Variants in SNTB1 observed in about 807,000 individuals in gnomAD.
SNTB1 encodes the protein beta-1-syntrophin.
In SNTB1, 36 loss-of-function variants were observed where a neutral mutation model predicts 48.9. That is an observed-to-expected ratio of 0.74 (90% CI 0.56 to 0.97). The LOEUF is 0.97. Ranked by LOEUF, SNTB1 falls within the 50% of genes least tolerant of loss-of-function variation. The pLI is 0.00. For synonymous variants in SNTB1, 299 were observed against 294.6 expected (o/e 1.01, Z -0.15); for missense variants, 786 against 703.4 (o/e 1.12, Z -1.33).
chr8:120,749,229 C>T lies in SNTB1; in HGVS notation c.572-55321G>A, dbSNP rs143263182. On this transcript the variant is annotated intron_variant, in intron 1 of 6. Coordinates refer to ENST00000517992, the MANE Select transcript of SNTB1 (RefSeq NM_021021.4). ...TATTTCTAGCTAGTTCTTCCAAAGACCCGTTTTCTCCAATTTTTAAAATTT... is the reference window on the plus strand; with the variant it reads ...TATTTCTAGCTAGTTCTTCCAAAGATCCGTTTTCTCCAATTTTTAAAATTT... Among the ~76,000 whole-genome samples, 7 of 152,198 alleles carry T rather than the reference C, an allele frequency of 4.6e-5. No individual in the cohort carries two copies. The East Asian group carries it at 1.3e-3, about 29-fold the overall frequency.
intron 1 of SNTB1, among the ~76,000 whole-genome samples, chr8:120,806,313 G>C (rs972726476): frequency 3.9e-5 from 6 of 152,216 alleles, no homozygotes; most frequent in African/African-American, 1.4e-4. Context: ...TGAAAGGCTT[G>C]TCTAGCTCCT....
chr8:120,769,975 G>C (rs1207118309), intron 1 of SNTB1, among the ~76,000 whole-genome samples: 1 of 152,056 alleles, frequency 6.6e-6, no homozygotes, highest in East Asian at 1.9e-4. Context: ...ACAAAAACAG[G>C]GTTGAACTCT....
intron 2 of SNTB1, among the ~76,000 whole-genome samples, chr8:120,648,744 T>C (rs1587061732): frequency 6.6e-6 from 1 of 152,200 alleles, no homozygotes; most frequent in South Asian, 2.1e-4. Flanking sequence ...TTCTCCTGGA[T>C]AATATCTTGC....
rs1815233397 is a variant in SNTB1 at position 120,538,482 on chromosome 8, T to C, written c.*395A>G. 6.2e-6 allele frequency: 2 copies of C among 321,292 alleles called. No homozygotes were observed. The highest frequency in any genetic ancestry group is 1.3e-5 in the Non-Finnish European group (2 of 155,656). The allele number at this position is 321,292 out of a possible 1,614,324, so 19.9% of individuals were successfully genotyped here. A position where few individuals can be genotyped will look rare whatever the true frequency, so the allele number is the denominator to read the frequency against. On this transcript the variant is annotated 3_prime_UTR_variant, in exon 7 of 7. Transcript: ENST00000517992. ...GGGGGCTAGGAGGAGTAGGTAAGAA[T>C]GTCCATTTCTCAACTATTCGGCCCT...
chr8:120,578,071 C>T (rs971840249), intron 3 of SNTB1, among the ~76,000 whole-genome samples: 6 of 152,182 alleles, frequency 3.9e-5, no homozygotes, highest in Admixed American at 1.3e-4. Context: ...CTTGCTTTGT[C>T]GCCCAGGCTG....
At chr8:120,557,992 G>C (rs1456355958) in intron 4 of SNTB1, among the ~76,000 whole-genome samples, 1 of 152,120 alleles carries the variant, frequency 6.6e-6, no homozygotes, top group East Asian at 1.9e-4. Flanking sequence ...CAGATTCTGG[G>C]AACTAAATAC....
At chr8:120,571,793 C>G (rs934506274) in intron 4 of SNTB1, among the ~76,000 whole-genome samples, 1 of 152,086 alleles carries the variant, frequency 6.6e-6, no homozygotes, top group African/African-American at 2.4e-5. Flanking sequence ...GCCAGCATAC[C>G]CGGCCATGAT....
rs576739479 is a variant in SNTB1 at position 120,538,095 on chromosome 8, A to T, written c.*782T>A. ...AAATAAAGCTGTAATTCTTGGCTATAAGACAGCAGACCTTGGTGTGAGTAT... is the reference window on the plus strand; with the variant it reads ...AAATAAAGCTGTAATTCTTGGCTATTAGACAGCAGACCTTGGTGTGAGTAT... On this transcript the variant is annotated 3_prime_UTR_variant, in exon 7 of 7. Coordinates refer to ENST00000517992, the MANE Select transcript of SNTB1 (RefSeq NM_021021.4). The T allele has an allele frequency of 6.6e-6, 1 of 152,596 alleles. No homozygotes were observed. The highest frequency in any genetic ancestry group is 6.5e-5 in the Admixed American group (1 of 15,324). The allele number at this position is 152,596 out of a possible 1,614,324, so 9.5% of individuals were successfully genotyped here. A position where few individuals can be genotyped will look rare whatever the true frequency, so the allele number is the denominator to read the frequency against.
chr8:120,687,240 A>C (rs1392891761), intron 2 of SNTB1, among the ~76,000 whole-genome samples: 1 of 152,222 alleles, frequency 6.6e-6, no homozygotes, highest in African/African-American at 2.4e-5. Flanking sequence ...TGTGTAACTA[A>C]AGTATTTGGA....
At chr8:120,761,420 G>C (rs925552146) in intron 1 of SNTB1, 1 of 152,200 alleles carries the variant, frequency 6.6e-6, no homozygotes, top group African/African-American at 2.4e-5. Flanking sequence ...TATGTTAGCA[G>C]CTCCGAGCAT....
chr8:120,646,718 T>A (rs1817303457), intron 2 of SNTB1, among the ~76,000 whole-genome samples: 1 of 152,054 alleles, frequency 6.6e-6, no homozygotes, highest in South Asian at 2.1e-4. Flanking sequence ...TTCTATTGAT[T>A]GGAATAGTTT....
At chr8:120,718,397 T>G in intron 1 of SNTB1, among the ~76,000 whole-genome samples, 1 of 152,166 alleles carries the variant, frequency 6.6e-6, no homozygotes, top group East Asian at 1.9e-4. Flanking sequence ...GAACCAGGGG[T>G]GGGAAGAGAA....
At position 120,576,087 on chromosome 8, in the gene SNTB1, G is replaced by T. The variant is rs570047436; in HGVS notation, c.997-862C>A. Among the ~76,000 whole-genome samples the T allele has an allele frequency of 6.6e-5, 10 of 152,262 alleles. No homozygotes were observed. In the South Asian group the frequency reaches 1.9e-3, roughly 28 times the overall value. On this transcript the variant is annotated intron_variant, in intron 3 of 6. Transcript: ENST00000517992. ...CTCAATTCTTGCTACTCAAAATATG[G>T]ACTATGTTCCAGTAGCATCAGCATC...
intron 3 of SNTB1, among the ~76,000 whole-genome samples, chr8:120,589,558 C>T (rs183877691): frequency 3.9e-4 from 60 of 152,304 alleles, no homozygotes; most frequent in Non-Finnish European, 2.4e-4. Flanking sequence ...CATTATTTCT[C>T]ACAGTTCTGG....
intron 4 of SNTB1, among the ~76,000 whole-genome samples, chr8:120,561,401 A>G (rs1264899709): frequency 6.6e-6 from 1 of 151,474 alleles, no homozygotes; most frequent in Non-Finnish European, 1.5e-5. Context: ...CAGGTCATCC[A>G]TGGGTTTAAT....
At chr8:120,688,963 G>C (rs1032115137) in intron 2 of SNTB1, among the ~76,000 whole-genome samples, 3 of 152,184 alleles carry the variant, frequency 2.0e-5, no homozygotes, top group African/African-American at 7.2e-5. Flanking sequence ...TACTCTCAGG[G>C]ACTAAGGATG....
chr8:120,596,176 C>A (rs985624683), intron 3 of SNTB1, among the ~76,000 whole-genome samples: 1 of 152,150 alleles, frequency 6.6e-6, no homozygotes. Flanking sequence ...TTTTTCTATG[C>A]CTTTTAAGCT....
At chr8:120,746,161 G>A (rs748400772) in intron 1 of SNTB1, among the ~76,000 whole-genome samples, 1 of 152,148 alleles carries the variant, frequency 6.6e-6, no homozygotes, top group Non-Finnish European at 1.5e-5. Context: ...CCCCAATGCA[G>A]CAACACCAAC....
At position 120,811,361 on chromosome 8, in the gene SNTB1, C is replaced by G. The variant is rs1160594468; in HGVS notation, c.483G>C (p.Leu161=). Residue 161 remains leucine, a synonymous_variant, in exon 1 of 7, where the codon CTG becomes CTC. Transcript: ENST00000517992. ...TQALYVGDAI[L]SVNGADLRDA... ...CCCGCAGGTCGGCTCCGTTCACGGA[C>G]AGGATGGCGTCGCCCACGTACAGGG... 6.2e-7 allele frequency: 1 copy of G among 1,613,680 alleles called. No individual in the cohort carries two copies. Among genetic ancestry groups the G allele is most frequent in the Admixed American group, 1.7e-5 (1 of 60,024 alleles).
Sources: gnomAD v4.1 joint callset for allele counts (sites outside exome capture counted in the v4.1 genomes callset) on GRCh38, gnomAD v4.1.1 for gene constraint, MANE v1.5 for transcripts, NCBI Gene and HGNC (gene_info 2026-07-23, HGNC 2026-07-21) for gene names.